SLCO3A1: variants seen among roughly 807,000 people sequenced by gnomAD.
SLCO3A1 encodes PGE1 transporter.
Under a neutral mutation model 63.1 loss-of-function variants are expected in SLCO3A1, and 27 were observed. The ratio of observed to expected loss-of-function variants is 0.43; its 90% CI spans 0.32 to 0.59. The LOEUF (loss-of-function observed/expected upper bound fraction) is 0.59, where lower values mean the gene tolerates loss of function less well. Ranked by LOEUF, SLCO3A1 falls within the 20% of genes least tolerant of loss-of-function variation. The probability of loss-of-function intolerance (pLI) is 0.09; values close to 1 mark genes in which losing one functional copy is unlikely to be tolerated. For synonymous variants in SLCO3A1, 473 were observed against 409.9 expected, an observed-to-expected ratio of 1.15 and a Z score of -1.86; for missense variants, 773 against 945.8, an observed-to-expected ratio of 0.82 and a Z score of 2.40.
At chr15:92,015,863 A>T (rs1287881034) in intron 2 of SLCO3A1, among the ~76,000 whole-genome samples, 3 of 152,210 alleles carry the variant, frequency 2.0e-5, no homozygotes, top group African/African-American at 7.2e-5. Flanking sequence ...GGCCAAGAAG[A>T]ACTGGTGAAG....
In SLCO3A1 at chr15:91,950,076, G is replaced by A. The variant is rs879784588; in HGVS notation, c.646+33618G>A. ...ACGGAAGAGATAAATGCCCTGCTGTGGAAATGTAGAGGAGGAAAAATTAGT... is the reference window on the plus strand; with the variant it reads ...ACGGAAGAGATAAATGCCCTGCTGTAGAAATGTAGAGGAGGAAAAATTAGT... On this transcript the variant is annotated intron_variant, in intron 2 of 9. Transcript: ENST00000318445. This position sits in a 1 kb window ranked among gnomAD's most constrained non-coding sequence, Gnocchi z 4.4. 6.6e-6 allele frequency among the ~76,000 whole-genome samples: 1 copy of A among 152,150 alleles called. No individual in the cohort carries two copies. The highest frequency in any genetic ancestry group is 1.5e-5 in the Non-Finnish European group (1 of 68,026).
chr15:92,123,982 G>T (rs1211052529), intron 5 of SLCO3A1, among the ~76,000 whole-genome samples: 3 of 152,232 alleles, frequency 2.0e-5, no homozygotes, highest in Admixed American at 1.3e-4. Context: ...CAGCACAGGT[G>T]CCCTCTGTGT....
chr15:91,981,606 C>CAAGGATTTTTTCGGAAA (rs1188766382), intron 2 of SLCO3A1, among the ~76,000 whole-genome samples: 1 of 152,156 alleles, frequency 6.6e-6, no homozygotes. Flanking sequence ...ATCATCTAAA[C>CAAGGATTTTTTCGGAAA]AAGGATTTTT....
At position 91,948,422 on chromosome 15, in the gene SLCO3A1, A is replaced by G. The variant is rs1899885010; in HGVS notation, c.646+31964A>G. Among the ~76,000 whole-genome samples, 1 of 152,178 alleles carries G rather than the reference A, an allele frequency of 6.6e-6. No individual in the cohort carries two copies. Among genetic ancestry groups the G allele is most frequent in the Admixed American group, 6.5e-5 (1 of 15,286 alleles). On this transcript the variant is annotated intron_variant, in intron 2 of 9. Coordinates refer to ENST00000318445, the MANE Select transcript of SLCO3A1 (RefSeq NM_013272.4). The surrounding 1 kb of genome is among the most constrained non-coding windows in gnomAD (Gnocchi z 4.8). ...GCATCCTATTCCTGCAGATAAGCCTACAGGCTCTGTAGGAGTGCCGGCATG... is the reference window on the plus strand; with the variant it reads ...GCATCCTATTCCTGCAGATAAGCCTGCAGGCTCTGTAGGAGTGCCGGCATG...
chr15:92,143,643 C>T (rs1364180046), intron 7 of SLCO3A1, among the ~76,000 whole-genome samples: 1 of 142,874 alleles, frequency 7.0e-6, no homozygotes, highest in Non-Finnish European at 1.5e-5. Flanking sequence ...TTCAGAATTA[C>T]CTCCTGGTTT....
At position 92,109,962 on chromosome 15, in the gene SLCO3A1, C is replaced by G. The variant is rs75753832; in HGVS notation, c.1009+5420C>G. 1.8e-3 allele frequency among the ~76,000 whole-genome samples: 279 copies of G among 152,242 alleles called. 2 individuals are homozygous for G. Among genetic ancestry groups the G allele is most frequent in the African/African-American group, 6.3e-3 (262 of 41,532 alleles). Reference sequence around the variant, plus strand: ...AGTTCTCCAGATTCCAAATCCCGTGCTCTTTCCCGTTTCCTGTAAGGGTTC... The same window carrying G: ...AGTTCTCCAGATTCCAAATCCCGTGGTCTTTCCCGTTTCCTGTAAGGGTTC... On this transcript the variant is annotated intron_variant, in intron 4 of 9. Transcript: ENST00000318445.
chr15:91,907,868 G>T (rs769635970), intron 1 of SLCO3A1, among the ~76,000 whole-genome samples: 2 of 152,120 alleles, frequency 1.3e-5, no homozygotes, highest in Non-Finnish European at 1.5e-5. Flanking sequence ...ACTCTCACTC[G>T]CAGACTAGGT....
At chr15:92,145,704 C>G (rs2048212737) in intron 7 of SLCO3A1, among the ~76,000 whole-genome samples, 1 of 152,130 alleles carries the variant, frequency 6.6e-6, no homozygotes, top group African/African-American at 2.4e-5. Context: ...AGGGGCGGGG[C>G]CTCGGGATCT....
intron 2 of SLCO3A1, among the ~76,000 whole-genome samples, chr15:91,957,844 A>C (rs756559269): frequency 6.6e-6 from 1 of 152,326 alleles, no homozygotes; most frequent in African/African-American, 2.4e-5. Flanking sequence ...TGTAAGCATC[A>C]TAAAGACGAG....
chr15:91,945,163 G>A (rs1045978541), intron 2 of SLCO3A1, among the ~76,000 whole-genome samples: 2 of 152,070 alleles, frequency 1.3e-5, no homozygotes, highest in African/African-American at 4.8e-5. Flanking sequence ...CCAACATGGT[G>A]AAACCCTGTC....
rs1374619814 is a variant in SLCO3A1 at position 92,128,369 on chromosome 15, C to T, written c.1392C>T (p.Ala464=). ...PYGNSTAPGS[A]LDPYSPCNNN... is the part of the protein sequence containing the mutation. Reference sequence around the variant, plus strand: ...TTTCCAGCACAGCACCTGGCTCAGCCCTGGACCCCTACTCGCCCTGCAATA... The same window carrying T: ...TTTCCAGCACAGCACCTGGCTCAGCTCTGGACCCCTACTCGCCCTGCAATA... Residue 464 remains alanine (A), a synonymous_variant, in exon 7 of 10, where the codon GCC becomes GCT. Transcript: ENST00000318445. 1.2e-6 allele frequency: 2 copies of T among 1,614,098 alleles called. No homozygotes were observed. Among genetic ancestry groups the T allele is most frequent in the African/African-American group, 1.3e-5 (1 of 75,028 alleles).
chr15:92,084,214 A>G (rs1007240250), intron 2 of SLCO3A1, among the ~76,000 whole-genome samples: 1 of 150,866 alleles, frequency 6.6e-6, no homozygotes, highest in Non-Finnish European at 1.5e-5. Context: ...TGTATTTTCC[A>G]CATTCTCTAA....
chr15:92,029,739 T>C (rs1657255836), intron 2 of SLCO3A1, among the ~76,000 whole-genome samples: 2 of 151,688 alleles, frequency 1.3e-5, no homozygotes, highest in African/African-American at 4.9e-5. Context: ...TAAGATTTTG[T>C]CAAAAGGAAA....
At chr15:92,057,221 G>A (rs7181952) in intron 2 of SLCO3A1, among the ~76,000 whole-genome samples, 99,533 of 152,120 alleles carry the variant, frequency 0.65, 33,184 homozygotes, top group Admixed American at 0.79. Flanking sequence ...GCTGGAACTC[G>A]GGCAAGGCTG....
chr15:92,126,969 C>T (rs759990462), intron 6 of SLCO3A1, among the ~76,000 whole-genome samples: 27 of 152,196 alleles, frequency 1.8e-4, no homozygotes, highest in Non-Finnish European at 2.8e-4. Context: ...CTCTCTAGAG[C>T]CAGACTCTTC....
Position 92,144,068 on chromosome 15 carries a change from G to A in SLCO3A1, c.1513-2916G>A, listed in dbSNP as rs371651767. Reference sequence around the variant, plus strand: ...GGACAGGTCGGCGCCTTCCGGGCGCGTCTGTGTGTCCGTCCTTATGCCTGA... The same window carrying A: ...GGACAGGTCGGCGCCTTCCGGGCGCATCTGTGTGTCCGTCCTTATGCCTGA... On this transcript the variant is annotated intron_variant, in intron 7 of 9. Transcript: ENST00000318445. 9.2e-5 allele frequency among the ~76,000 whole-genome samples: 14 copies of A among 152,352 alleles called. No homozygotes were observed. The South Asian group carries it at 1.2e-3, about 14-fold the overall frequency.
At chr15:92,065,061 A>T (rs1445382946) in intron 2 of SLCO3A1, among the ~76,000 whole-genome samples, 1 of 122,520 alleles carries the variant, frequency 8.2e-6, no homozygotes, top group East Asian at 2.7e-4. Flanking sequence ...TATACCGGTT[A>T]CCCACGTTTT....
intron 2 of SLCO3A1, among the ~76,000 whole-genome samples, chr15:92,042,565 C>T (rs2046812879): frequency 6.6e-6 from 1 of 152,122 alleles, no homozygotes; most frequent in African/African-American, 2.4e-5. Context: ...CAGAGGAGCA[C>T]ACAGAAAAAT....
chr15:92,166,366 T>G (rs2048493706), downstream of SLCO3A1, among the ~76,000 whole-genome samples: 1 of 152,172 alleles, frequency 6.6e-6, no homozygotes, highest in South Asian at 2.1e-4. Flanking sequence ...AAGGAATCAT[T>G]TGACAGGGTT....
Sources: gnomAD v4.1 joint callset for allele counts (sites outside exome capture counted in the v4.1 genomes callset) on GRCh38, gnomAD v4.1.1 for gene constraint, Gnocchi (gnomAD v3.1) non-coding constraint, MANE v1.5 for transcripts, NCBI Gene and HGNC (gene_info 2026-07-23, HGNC 2026-07-21) for gene names.